SLIT3: variants seen among roughly 807,000 people sequenced by gnomAD.
The protein encoded by SLIT3 is slit guidance ligand 3, also known as slit homolog 3 protein.
In SLIT3, 68 loss-of-function variants were observed where a neutral mutation model predicts 184.0. The ratio of observed to expected loss-of-function variants is 0.37; its 90% CI spans 0.30 to 0.45. The LOEUF is 0.45. Ranked by LOEUF, SLIT3 falls within the 20% of genes least tolerant of loss-of-function variation. SLIT3 has a pLI of 1.00. For missense variants in SLIT3, 1,707 were observed against 2,026.0 expected, an observed-to-expected ratio of 0.84 and a Z score of 3.02; for synonymous variants, 831 against 828.6, an observed-to-expected ratio of 1.00 and a Z score of -0.05.
At chr5:169,026,487 T>C (rs1756828382) in intron 4 of SLIT3, 1 of 152,186 alleles carries the variant, frequency 6.6e-6, no homozygotes, top group Non-Finnish European at 1.5e-5. Context: ...AAGTGAATCA[T>C]GACACAACCA....
chr5:169,235,727 C>T (rs887031485), intron 3 of SLIT3, among the ~76,000 whole-genome samples: 1 of 152,132 alleles, frequency 6.6e-6, no homozygotes, highest in African/African-American at 2.4e-5. Flanking sequence ...GAGGACTATT[C>T]AGGTATTTTT....
intron 4 of SLIT3, among the ~76,000 whole-genome samples, chr5:168,967,401 G>T (rs1160343439): frequency 6.8e-6 from 1 of 147,944 alleles, no homozygotes; most frequent in Non-Finnish European, 1.5e-5. Context: ...ATTTTTCTAA[G>T]CTGCCTTGCA....
chr5:169,186,336 A>G (rs1306511006), intron 4 of SLIT3, among the ~76,000 whole-genome samples: 1 of 152,174 alleles, frequency 6.6e-6, no homozygotes, highest in Non-Finnish European at 1.5e-5. Context: ...GAAGGTGGCT[A>G]TCTGCAAGCC....
intron 4 of SLIT3, among the ~76,000 whole-genome samples, chr5:168,947,988 C>T (rs998584780): frequency 1.9e-4 from 29 of 151,644 alleles, no homozygotes; most frequent in African/African-American, 6.5e-4. Context: ...ATGGGGGTCT[C>T]GCCATGTTGG....
chr5:168,771,751 C>T (rs934200711), intron 14 of SLIT3, among the ~76,000 whole-genome samples: 2 of 152,212 alleles, frequency 1.3e-5, no homozygotes, highest in African/African-American at 2.4e-5. Context: ...GAGACATGGA[C>T]TAAAGAATTT....
intron 26 of SLIT3, among the ~76,000 whole-genome samples, chr5:168,702,149 A>G (rs1339263605): frequency 6.6e-6 from 1 of 152,232 alleles, no homozygotes; most frequent in Admixed American, 6.5e-5. Flanking sequence ...ATAACAACAC[A>G]GGGCCCCTTT....
chr5:169,183,816 G>C lies in SLIT3; in HGVS notation c.413+9663C>G, dbSNP rs76150388. Among the ~76,000 whole-genome samples the C allele has an allele frequency of 7.1e-3, 1,088 of 152,274 alleles. 21 individuals carry two copies. Among genetic ancestry groups the C allele is most frequent in the African/African-American group, 0.025 (1,036 of 41,548 alleles). On this transcript the variant is annotated intron_variant, in intron 4 of 35. Transcript: ENST00000519560. Reference sequence around the variant, plus strand: ...TTTATTCCCCCATATATCCCTTCCAGTAATATCAACCAGATGTGGCAAAGA... The same window carrying C: ...TTTATTCCCCCATATATCCCTTCCACTAATATCAACCAGATGTGGCAAAGA...
At chr5:169,016,422 AT>A in intron 4 of SLIT3, among the ~76,000 whole-genome samples, 1 of 152,194 alleles carries the variant, frequency 6.6e-6, no homozygotes, top group African/African-American at 2.4e-5. Context: ...TGGCGGAGTG[AT>A]TTTTATGAAC....
rs56062027 is a variant in SLIT3 at position 169,084,454 on chromosome 5, A to AT, written c.413+109024dup. On this transcript the variant is annotated intron_variant, in intron 4 of 35. Coordinates refer to ENST00000519560, the MANE Select transcript of SLIT3 (RefSeq NM_003062.4). ...TACAGGCATGCGCCACCATGCCCAG[A>AT]TTTTTTTTTTTTTTTTTTTTTTTTG... 9.4e-3 allele frequency among the ~76,000 whole-genome samples: 950 copies of AT among 101,388 alleles called. 14 individuals carry two copies. Among genetic ancestry groups the AT allele is most frequent in the African/African-American group, 0.025 (635 of 25,716 alleles). The allele number at this position is 101,388 out of a possible 152,430, so 66.5% of individuals were successfully genotyped here. A position where few individuals can be genotyped will look rare whatever the true frequency, so the allele number is the denominator to read the frequency against.
At chr5:168,690,272 G>A (rs1761866398) in intron 29 of SLIT3, among the ~76,000 whole-genome samples, 1 of 152,038 alleles carries the variant, frequency 6.6e-6, no homozygotes, top group Non-Finnish European at 1.5e-5. Context: ...GAGTAGCTGG[G>A]ATTGCAGGAG....
intron 4 of SLIT3, among the ~76,000 whole-genome samples, chr5:168,953,683 G>A: frequency 6.7e-6 from 1 of 149,830 alleles, no homozygotes; most frequent in Non-Finnish European, 1.5e-5. Context: ...GTGCCTGGCA[G>A]AGCCCAGTGC....
chr5:168,898,214 T>C (rs1760750536), intron 4 of SLIT3, among the ~76,000 whole-genome samples: 1 of 152,188 alleles, frequency 6.6e-6, no homozygotes, highest in Non-Finnish European at 1.5e-5. Flanking sequence ...GCTTTATTAA[T>C]ATAAATATTC....
At chr5:169,240,276 TAATA>T (rs906111416) in intron 3 of SLIT3, among the ~76,000 whole-genome samples, 12 of 151,966 alleles carry the variant, frequency 7.9e-5, no homozygotes, top group African/African-American at 2.9e-4. Flanking sequence ...TATTGTTATT[TAATA>T]TTCTATATTT....
At chr5:169,110,123 C>T (rs1412565846) in intron 4 of SLIT3, among the ~76,000 whole-genome samples, 1 of 152,158 alleles carries the variant, frequency 6.6e-6, no homozygotes, top group Non-Finnish European at 1.5e-5. Context: ...GCTGGGATTA[C>T]AGGTGTGAGC....
chr5:168,900,480 T>C (rs1486026979), intron 4 of SLIT3, among the ~76,000 whole-genome samples: 2 of 152,064 alleles, frequency 1.3e-5, no homozygotes, highest in Admixed American at 6.6e-5. Context: ...CTGGGTATAG[T>C]GGTATGTGCC....
chr5:168,765,439 C>G (rs139707539), intron 14 of SLIT3, among the ~76,000 whole-genome samples: 1 of 152,218 alleles, frequency 6.6e-6, no homozygotes, highest in African/African-American at 2.4e-5. Context: ...ATATTTTATA[C>G]GAGTGGGAGC....
At chr5:169,144,487 G>A (rs1761861798) in intron 4 of SLIT3, among the ~76,000 whole-genome samples, 1 of 152,230 alleles carries the variant, frequency 6.6e-6, no homozygotes, top group Admixed American at 6.5e-5. Flanking sequence ...TTAAAGGCAT[G>A]GAACATGCTT....
chr5:168,711,085 C>G lies in SLIT3; in HGVS notation c.2556-27G>C, dbSNP rs375535977. The stretch of plus-strand genomic sequence containing the variant: ...TAGGAGGCAGAACAGGAAGTCAGGG[C>G]CCCCTGCCCAGCTTGGCCAGTAGCC... On this transcript the variant is annotated intron_variant, in intron 24 of 35. Transcript: ENST00000519560. The G allele has an allele frequency of 2.0e-6, 3 of 1,530,362 alleles. No homozygotes were observed. In the Admixed American group the frequency reaches 5.8e-5, roughly 29 times the overall value. The allele number at this position is 1,530,362 out of a possible 1,614,324, so 94.8% of individuals were successfully genotyped here.
chr5:169,112,652 C>T (rs567504837), intron 4 of SLIT3, among the ~76,000 whole-genome samples: 2 of 152,212 alleles, frequency 1.3e-5, no homozygotes, highest in South Asian at 4.2e-4. Flanking sequence ...CTACCCTTCT[C>T]TGAGCCCTGG....
Sources: allele counts gnomAD v4.1 joint callset (sites outside exome capture counted in the v4.1 genomes callset), GRCh38; gene constraint gnomAD v4.1.1; transcripts MANE v1.5; gene names NCBI Gene and HGNC (gene_info 2026-07-23, HGNC 2026-07-21).